The following C2 variants were observed in gnomAD, a reference collection of about 807,000 sequenced individuals.
C2 encodes C3/C5 convertase.
A neutral mutation model predicts 85.2 loss-of-function variants in C2; 64 were observed. That is an observed-to-expected ratio of 0.75 (90% CI 0.61 to 0.92). The LOEUF (loss-of-function observed/expected upper bound fraction) is 0.92. Ranked by LOEUF, C2 falls within the 40% of genes least tolerant of loss-of-function variation. The pLI, the probability that C2 is intolerant of heterozygous loss-of-function variation, is 0.00. For synonymous variants in C2, 311 were observed against 370.8 expected, an observed-to-expected ratio of 0.84 and a Z score of 1.85; for missense variants, 820 against 971.6, an observed-to-expected ratio of 0.84 and a Z score of 2.07.
intron 3 of C2, among the ~76,000 whole-genome samples, chr6:31,931,797 T>C (rs964411182): frequency 5.9e-5 from 9 of 151,626 alleles, no homozygotes; most frequent in Non-Finnish European, 1.2e-4. Flanking sequence ...CCAGACGGGG[T>C]GGTGGCCGGG....
chr6:31,911,322 T>TA (rs914955819), intron 1 of C2, among the ~76,000 whole-genome samples: 2,339 of 136,358 alleles, frequency 0.017, 41 homozygotes, highest in African/African-American at 0.046. Context: ...AATAAATACA[T>TA]AAAAAAAAAA....
At chr6:31,924,334 G>A (rs1461116854), upstream of C2, among the ~76,000 whole-genome samples, 1 of 152,186 alleles carries the variant, frequency 6.6e-6, no homozygotes, top group Non-Finnish European at 1.5e-5. Flanking sequence ...AGTGGTCCAG[G>A]TCAATCCTAT....
In C2 at chr6:31,943,150, C is replaced by A; in HGVS notation, c.1360+51C>A. 1 of 1,612,780 alleles carries A rather than the reference C, an allele frequency of 6.2e-7. No individual in the cohort carries two copies. The highest frequency in any genetic ancestry group is 1.1e-5 in the South Asian group (1 of 91,084). ...GTGGGGAGGATGGTGAGGAGCCCGC[C>A]AGAGGCCCGTGTTGGGAACCTGGAC... On this transcript the variant is annotated intron_variant, in intron 10 of 17. Coordinates refer to ENST00000299367, the MANE Select transcript of C2 (RefSeq NM_000063.6). This position sits in a 1 kb window ranked among gnomAD's most constrained non-coding sequence, Gnocchi z 6.4.
rs1377899237 is a variant in C2 at position 31,927,742 on chromosome 6, G to C, written c.-11G>C. The C allele has an allele frequency of 6.2e-7, 1 of 1,613,158 alleles. No individual in the cohort carries two copies. Among genetic ancestry groups the C allele is most frequent in the East Asian group, 2.2e-5 (1 of 44,878 alleles). On this transcript the variant is annotated 5_prime_UTR_variant, in exon 1 of 18. Coordinates refer to ENST00000299367, the MANE Select transcript of C2 (RefSeq NM_000063.6). The surrounding 1 kb of genome is among the most constrained non-coding windows in gnomAD (Gnocchi z 4.7). ...GGCTCTCTACCTCTCGCCGCCCCTA[G>C]GGAGGACACCATGGGCCCACTGATG...
upstream of C2, among the ~76,000 whole-genome samples, chr6:31,927,028 T>C (rs1769313161): frequency 2.0e-5 from 3 of 152,194 alleles, no homozygotes; most frequent in Admixed American, 1.3e-4. The surrounding 1 kb of genome is among the most constrained non-coding windows in gnomAD (Gnocchi z 4.7). Context: ...ACTTTGCCAG[T>C]TGGGAATTTC....
chr6:31,917,625 G>A (rs1490405778), upstream of C2, among the ~76,000 whole-genome samples: 2 of 151,998 alleles, frequency 1.3e-5, no homozygotes, highest in Non-Finnish European at 2.9e-5. Flanking sequence ...AGAAAAAAAG[G>A]CCAGGCGCGG....
chr6:31,905,949 T>C (rs889293384), intron 1 of C2, among the ~76,000 whole-genome samples: 3 of 152,086 alleles, frequency 2.0e-5, no homozygotes, highest in Non-Finnish European at 4.4e-5. Context: ...TGGACATTTG[T>C]CTAAGACATT....
In C2 at chr6:31,904,722, C is replaced by T. The variant is rs1306552263; in HGVS notation, c.73+3583C>T. Among the ~76,000 whole-genome samples, 1 of 152,090 alleles carries T rather than the reference C, an allele frequency of 6.6e-6. No individual in the cohort carries two copies. Among genetic ancestry groups the T allele is most frequent in the Non-Finnish European group, 1.5e-5 (1 of 68,040 alleles). ...CCAGTGAGAGCAGAAATACAAAAAG[C>T]TGTCAAGTTAAGAATTAGAGTTTGT... On this transcript the variant is annotated intron_variant, in intron 1 of 3. Coordinates refer to the C2 transcript ENST00000452202. This position sits in a 1 kb window ranked among gnomAD's most constrained non-coding sequence, Gnocchi z 4.4.
In C2 at chr6:31,928,800, G is replaced by A. The variant is rs752154314; in HGVS notation, c.325G>A (p.Val109Met). The A allele has an allele frequency of 2.4e-5, 38 of 1,614,108 alleles. No individual in the cohort carries two copies. Among genetic ancestry groups the A allele is most frequent in the East Asian group, 2.2e-4 (10 of 44,908 alleles). ...IYTPRLGSYP[V>M]GGNVSFECED... is the part of the protein sequence containing the mutation. ...TACCCCACGGCTGGGGTCCTATCCC[G>A]TGGGTGGCAATGTGAGCTTCGAGTG... is the stretch of plus-strand genomic sequence containing the variant. The change falls in exon 3 of 18, where the codon GTG (valine) becomes ATG (methionine). Residue 109 changes from valine to methionine, a missense_variant. Physicochemically the swap from Val to Met is conservative, Grantham distance 21. Coordinates refer to ENST00000299367, the MANE Select transcript of C2 (RefSeq NM_000063.6).
At chr6:31,929,231 G>A (rs1427374343) in intron 3 of C2, among the ~76,000 whole-genome samples, 3 of 152,178 alleles carry the variant, frequency 2.0e-5, no homozygotes, top group African/African-American at 4.8e-5. Flanking sequence ...AAGATATGCT[G>A]GGAGAGAGTC....
At chr6:31,931,634 A>G (rs1313505249) in intron 3 of C2, among the ~76,000 whole-genome samples, 1 of 152,114 alleles carries the variant, frequency 6.6e-6, no homozygotes, top group Admixed American at 6.5e-5. Context: ...TTAGTACAGA[A>G]CAAAATGAAA....
At chr6:31,916,869 C>CAAAAAAAAAA (rs9257073), upstream of C2, among the ~76,000 whole-genome samples, 1 of 78,884 alleles carries the variant, frequency 1.3e-5, no homozygotes, top group Non-Finnish European at 2.3e-5. Context: ...TCCATCTCAA[C>CAAAAAAAAAA]AAAAAAAAAA....
At chr6:31,902,930 G>C (rs1767463492) in intron 1 of C2, among the ~76,000 whole-genome samples, 1 of 151,994 alleles carries the variant, frequency 6.6e-6, no homozygotes. Context: ...CCACCGCTCC[G>C]TCCCCCTTAT....
chr6:31,933,688 G>A lies in C2; in HGVS notation c.521G>A (p.Arg174His), dbSNP rs774098350. Residue 174 changes from arginine to histidine, a missense_variant, in exon 4 of 18, where the codon CGC (arginine) becomes CAC (histidine). Transcript: ENST00000299367. ...CGCTTTGGTCATGGGGACAAGGTCCGCTATCGCTGCTCCTCGAATCTTGTG... is the reference window on the plus strand; with the variant it reads ...CGCTTTGGTCATGGGGACAAGGTCCACTATCGCTGCTCCTCGAATCTTGTG... ...GFRFGHGDKV[R>H]YRCSSNLVLT... The A allele has an allele frequency of 6.8e-6, 11 of 1,613,058 alleles. No individual in the cohort carries two copies. Among genetic ancestry groups the A allele is most frequent in the East Asian group, 2.2e-5 (1 of 44,906 alleles).
At chr6:31,939,718 G>A (rs909281485) in intron 9 of C2, among the ~76,000 whole-genome samples, 2 of 151,914 alleles carry the variant, frequency 1.3e-5, no homozygotes, top group African/African-American at 4.8e-5. Context: ...TTCCCAAAGT[G>A]GTAGGATTAC....
intron 9 of C2, 127 bp downstream of exon 9, chr6:31,939,447 C>A: frequency 1.4e-6 from 1 of 709,726 alleles, no homozygotes; most frequent in East Asian, 2.8e-5. Context: ...TTGTTCTGTA[C>A]AAAGGCAACT....
At chr6:31,939,463 T>A in intron 9 of C2, 143 bp downstream of exon 9, 1 of 683,800 alleles carries the variant, frequency 1.5e-6, no homozygotes, top group Admixed American at 2.4e-5. Flanking sequence ...CAACTCATGT[T>A]GAAGAGCCTG....
intron 1 of C2, among the ~76,000 whole-genome samples, chr6:31,902,524 C>G (rs1413023507): frequency 6.6e-6 from 1 of 152,238 alleles, no homozygotes; most frequent in Non-Finnish European, 1.5e-5. Context: ...CTCAGGGCCC[C>G]ATCCGCCCCG....
chr6:31,922,042 A>G lies in C2; in HGVS notation c.-100+2016A>G, dbSNP rs946618071. 6.6e-6 allele frequency among the ~76,000 whole-genome samples: 1 copy of G among 152,106 alleles called. No homozygotes were observed. The highest frequency in any genetic ancestry group is 2.4e-5 in the African/African-American group (1 of 41,418). On this transcript the variant is annotated intron_variant, in intron 1 of 3. Coordinates refer to the C2 transcript ENST00000413154. This position sits in a 1 kb window ranked among gnomAD's most constrained non-coding sequence, Gnocchi z 4.8. Reference sequence around the variant, plus strand: ...GGTGAGGGAGCCCAGTATTTATACCAATCAGTCATTGGTTGAAGGCCTTAA... The same window carrying G: ...GGTGAGGGAGCCCAGTATTTATACCGATCAGTCATTGGTTGAAGGCCTTAA...
Sources: allele counts gnomAD v4.1 joint callset (sites outside exome capture counted in the v4.1 genomes callset), GRCh38; gene constraint gnomAD v4.1.1; non-coding constraint Gnocchi (gnomAD v3.1); transcripts MANE v1.5; gene names NCBI Gene and HGNC (gene_info 2026-07-23, HGNC 2026-07-21).